The following NUDCD1 variants were observed in gnomAD, a reference collection of about 807,000 sequenced individuals.
The protein encoded by NUDCD1 is NudC domain containing 1, also known as nudC domain-containing protein 1.
Under a neutral mutation model 67.8 loss-of-function variants are expected in NUDCD1, and 60 were observed. That is an observed-to-expected ratio of 0.88 (90% CI 0.72 to 1.10). NUDCD1 has a LOEUF of 1.10. Among genes scored for constraint, NUDCD1 ranks in the 50% least tolerant of loss-of-function variants. The pLI is 0.00. For synonymous variants in NUDCD1, 244 were observed against 230.8 expected (o/e 1.06, Z -0.52); for missense variants, 643 against 695.0 (o/e 0.93, Z 0.84).
intron 8 of NUDCD1, among the ~76,000 whole-genome samples, chr8:109,250,266 GC>G: frequency 6.6e-6 from 1 of 152,246 alleles, no homozygotes; most frequent in Admixed American, 6.5e-5. Flanking sequence ...ATTTCATACA[GC>G]TAAATAAAAT....
At chr8:109,293,968 T>C (rs1264777817) in intron 3 of NUDCD1, among the ~76,000 whole-genome samples, 2 of 152,036 alleles carry the variant, frequency 1.3e-5, no homozygotes, top group African/African-American at 4.8e-5. Context: ...CAAACTCTAT[T>C]TAAAATAATC....
intron 5 of NUDCD1, among the ~76,000 whole-genome samples, chr8:109,286,336 C>T (rs1352608669): frequency 1.3e-5 from 2 of 152,088 alleles, no homozygotes; most frequent in East Asian, 1.9e-4. Context: ...AAAAAGAGCC[C>T]AAATAGCCAA....
Position 109,243,022 on chromosome 8 carries a change from T to A in NUDCD1, c.1739A>T (p.Asn580Ile), listed in dbSNP as rs754427105. The A allele has an allele frequency of 6.3e-7, 1 of 1,578,316 alleles. No individual in the cohort carries two copies. Among genetic ancestry groups the A allele is most frequent in the Non-Finnish European group, 8.7e-7 (1 of 1,148,418 alleles). The change falls in exon 10 of 10, where the codon AAT (asparagine) becomes ATT (isoleucine). Residue 580 changes from asparagine to isoleucine, a missense_variant. Coordinates refer to ENST00000239690, the MANE Select transcript of NUDCD1 (RefSeq NM_032869.4). ...TTKNLFLIKVNTEN is the reference protein window; with the variant it reads ...TTKNLFLIKVITEN ...ATGTTAGAATAATTAATTCTCTGTA[T>A]TTACTTTTATTAAAAAGAGGTTTTT...
chr8:109,288,945 C>T (rs896649869), intron 5 of NUDCD1, among the ~76,000 whole-genome samples: 22 of 151,202 alleles, frequency 1.5e-4, no homozygotes, highest in African/African-American at 5.3e-4. Context: ...TCTTTATATA[C>T]AAATATAAAT....
intron 2 of NUDCD1, among the ~76,000 whole-genome samples, chr8:109,303,132 T>C (rs759794655): frequency 6.6e-6 from 1 of 152,174 alleles, no homozygotes; most frequent in Non-Finnish European, 1.5e-5. Context: ...CAGCCTGGGA[T>C]TCCTCCTAAG....
chr8:109,282,453 G>C (rs1211859805), intron 5 of NUDCD1, among the ~76,000 whole-genome samples: 1 of 151,770 alleles, frequency 6.6e-6, no homozygotes, highest in Non-Finnish European at 1.5e-5. Context: ...CCCCTAGAGA[G>C]GGAAAGAGAA....
At chr8:109,286,450 C>A (rs1432961904) in intron 5 of NUDCD1, among the ~76,000 whole-genome samples, 1 of 151,660 alleles carries the variant, frequency 6.6e-6, no homozygotes, top group Non-Finnish European at 1.5e-5. Context: ...GATACACAGA[C>A]CAGTGGACCA....
Position 109,293,366 on chromosome 8 carries a change from G to A in NUDCD1, c.618C>T (p.Val206=), listed in dbSNP as rs762963663. ...TACCTTGATTTTTCTTACTGATAGTGACCCACTCCAGAGAAACATAGAAAC... is the reference window on the plus strand; with the variant it reads ...TACCTTGATTTTTCTTACTGATAGTAACCCACTCCAGAGAAACATAGAAAC... ...GSGFYVSLEW[V]TISKKNQDNK... Residue 206 remains valine, a synonymous_variant, in exon 4 of 10, where the codon GTC becomes GTT. Transcript: ENST00000239690. 2.6e-5 allele frequency: 40 copies of A among 1,567,664 alleles called. No homozygotes were observed. In the South Asian group the frequency reaches 4.8e-4, roughly 19 times the overall value.
In NUDCD1 at chr8:109,305,789, C is replaced by T. The variant is rs770909553; in HGVS notation, c.274-9220G>A. Among the ~76,000 whole-genome samples, 14 of 152,076 alleles carry T rather than the reference C, an allele frequency of 9.2e-5. No individual in the cohort carries two copies. In the East Asian group the frequency reaches 2.1e-3, roughly 23 times the overall value. The stretch of plus-strand genomic sequence containing the variant: ...CACTTAGTCATCTATAGTACCCCAA[C>T]GGCTGTTCGTCTGCAGGACCCCCGC... On this transcript the variant is annotated intron_variant, in intron 2 of 9. Coordinates refer to ENST00000239690, the MANE Select transcript of NUDCD1 (RefSeq NM_032869.4).
intron 6 of NUDCD1, among the ~76,000 whole-genome samples, chr8:109,278,691 GTTT>G (rs936995097): frequency 6.6e-6 from 1 of 152,102 alleles, no homozygotes; most frequent in Non-Finnish European, 1.5e-5. Flanking sequence ...CACTCCACAT[GTTT>G]TTAATTCATT....
At chr8:109,323,791 C>T (rs1257347836) in intron 1 of NUDCD1, among the ~76,000 whole-genome samples, 2 of 152,012 alleles carry the variant, frequency 1.3e-5, no homozygotes, top group Non-Finnish European at 2.9e-5. Context: ...GTACATGTAG[C>T]CAACTGATTT....
chr8:109,313,307 T>C (rs139180570), intron 2 of NUDCD1, among the ~76,000 whole-genome samples: 2 of 152,262 alleles, frequency 1.3e-5, no homozygotes, highest in African/African-American at 4.8e-5. Flanking sequence ...AATTGTTAAA[T>C]ATACTAAGGC....
At chr8:109,248,790 C>G (rs1404442520) in intron 8 of NUDCD1, among the ~76,000 whole-genome samples, 1 of 150,842 alleles carries the variant, frequency 6.6e-6, no homozygotes, top group Non-Finnish European at 1.5e-5. Context: ...CCCCAGCATA[C>G]TTTTCAATAT....
intron 7 of NUDCD1, among the ~76,000 whole-genome samples, chr8:109,274,041 C>T (rs1158009661): frequency 6.6e-6 from 1 of 152,094 alleles, no homozygotes; most frequent in Non-Finnish European, 1.5e-5. Flanking sequence ...ACTCTCAGCA[C>T]ACTACAAATA....
intron 8 of NUDCD1, among the ~76,000 whole-genome samples, chr8:109,259,781 T>C (rs1242272535): frequency 2.0e-5 from 3 of 152,168 alleles, no homozygotes; most frequent in Non-Finnish European, 4.4e-5. Context: ...AAACTAAATA[T>C]CACCATCTGT....
chr8:109,274,587 A>G (rs575999949), intron 7 of NUDCD1, among the ~76,000 whole-genome samples: 168 of 152,256 alleles, frequency 1.1e-3, no homozygotes, highest in Admixed American at 2.6e-3. Context: ...CATGAAACTT[A>G]GTTTCTCTAT....
At chr8:109,322,515 T>A in intron 1 of NUDCD1, 52 bp from the exon 2 acceptor site, 6 of 1,449,082 alleles carry the variant, frequency 4.1e-6, no homozygotes, top group Non-Finnish European at 5.7e-6. Context: ...CCTCAGATAG[T>A]TTCTATCTGT....
intron 8 of NUDCD1, among the ~76,000 whole-genome samples, chr8:109,255,608 G>T (rs1385310197): frequency 6.7e-6 from 1 of 149,784 alleles, no homozygotes; most frequent in Non-Finnish European, 1.5e-5. Context: ...TTCCAGTGGA[G>T]GATACATATA....
chr8:109,275,633 G>C, intron 6 of NUDCD1, 137 bp from the exon 7 acceptor site: 1 of 703,004 alleles, frequency 1.4e-6, no homozygotes, highest in Admixed American at 3.3e-5. Context: ...CAAAAATCTT[G>C]CTCATTTAAG....
Sources: allele counts gnomAD v4.1 joint callset (sites outside exome capture counted in the v4.1 genomes callset), GRCh38; gene constraint gnomAD v4.1.1; transcripts MANE v1.5; gene names NCBI Gene and HGNC (gene_info 2026-07-23, HGNC 2026-07-21).